Variants in GPC3 observed in about 807,000 individuals in gnomAD.
The protein encoded by GPC3 is glypican 3.
GPC3 carries 3 observed loss-of-function variants against 34.4 expected under a neutral mutation model. That is an observed-to-expected ratio of 0.09 (90% CI 0.04 to 0.23). GPC3 has a LOEUF of 0.23. Among genes scored for constraint, GPC3 ranks in the 10% least tolerant of loss-of-function variants. The probability of loss-of-function intolerance (pLI) is 1.00; values close to 1 mark genes in which losing one functional copy is unlikely to be tolerated. For synonymous variants in GPC3, 177 were observed against 174.0 expected, an observed-to-expected ratio of 1.02 and a Z score of -0.13; for missense variants, 351 against 445.6, an observed-to-expected ratio of 0.79 and a Z score of 1.91.
chrX:133,802,914 CTTTTTTTTTTTTT>C (rs751359373), intron 2 of GPC3, among the ~76,000 whole-genome samples: 1 of 68,553 alleles, frequency 1.5e-5, no homozygotes, highest in African/African-American at 5.7e-5. Context: ...GGAAGGTATT[CTTTTTTTTTTTTT>C]TTTTTTTTTT....
chrX:133,794,881 G>C (rs372465140), intron 2 of GPC3, among the ~76,000 whole-genome samples: 2 of 112,340 alleles, frequency 1.8e-5, no homozygotes, highest in East Asian at 5.6e-4. Flanking sequence ...GGCTCCAATG[G>C]CACATTTTGT....
At chrX:133,541,793 TTCCTGGCCTCAAGTGA>T (rs762466649) in intron 7 of GPC3, among the ~76,000 whole-genome samples, 13 of 111,876 alleles carry the variant, frequency 1.2e-4, no homozygotes, top group Non-Finnish European at 2.4e-4. Context: ...TGGTCTTAAA[TTCCTGGCCTCAAGTGA>T]TCCTGTGCAT....
chrX:133,709,687 A>G (rs887791593), intron 3 of GPC3, among the ~76,000 whole-genome samples: 7 of 111,894 alleles, frequency 6.3e-5, no homozygotes, highest in African/African-American at 2.3e-4. Flanking sequence ...AATCTGCCAC[A>G]CTACTCAACT....
chrX:133,635,064 T>C (rs995863351), intron 6 of GPC3, among the ~76,000 whole-genome samples: 1 of 111,255 alleles, frequency 9.0e-6, no homozygotes, highest in African/African-American at 3.3e-5. Flanking sequence ...ATTAACTCCA[T>C]GAAGTTCAAG....
intron 2 of GPC3, among the ~76,000 whole-genome samples, chrX:133,781,522 A>C (rs2072043593): frequency 8.9e-6 from 1 of 112,416 alleles, no homozygotes; most frequent in African/African-American, 3.2e-5. Context: ...AACAACTTGC[A>C]ACACTATCTT....
At chrX:133,933,726 A>G (rs1234528763) in intron 2 of GPC3, among the ~76,000 whole-genome samples, 1 of 110,027 alleles carries the variant, frequency 9.1e-6, no homozygotes, top group African/African-American at 3.3e-5. Flanking sequence ...TGCTTTCGGC[A>G]CGTGATGTTG....
rs931982687 is a variant in GPC3, at chrX:133,536,368, C to A, written c.1574-75G>T. On this transcript the variant is annotated intron_variant, in intron 7 of 7. Coordinates refer to ENST00000370818, the MANE Select transcript of GPC3 (RefSeq NM_004484.4). ...AGTATAACACTATGCACAGCTCGAG[C>A]ATGTGTCTGGACCACTGGAAAGCCT... is the stretch of plus-strand genomic sequence containing the variant. 1.7e-5 allele frequency: 13 copies of A among 782,863 alleles called. No homozygotes were observed. In the Admixed American group the frequency reaches 2.7e-4, roughly 16 times the overall value. 64.5% of individuals were successfully genotyped at this position (782,863 alleles called of 1,213,427 possible).
Position 133,711,877 on chromosome X carries a change from T to C in GPC3, c.1033-11849A>G, listed in dbSNP as rs188976988. ...GCTATCTAGGTTATGCAAACCATAA[T>C]CTTTGTAACCTTCTTATCATTTAAT... On this transcript the variant is annotated intron_variant, in intron 3 of 7. Coordinates refer to ENST00000370818, the MANE Select transcript of GPC3 (RefSeq NM_004484.4). Among the ~76,000 whole-genome samples, 6 of 112,208 alleles carry C rather than the reference T, an allele frequency of 5.3e-5. No individual in the cohort carries two copies. In the East Asian group the frequency reaches 1.7e-3, roughly 31 times the overall value.
intron 1 of GPC3, among the ~76,000 whole-genome samples, chrX:133,953,667 T>C (rs1187250121): frequency 8.9e-6 from 1 of 112,151 alleles, no homozygotes; most frequent in Non-Finnish European, 1.9e-5. Flanking sequence ...GCCAACCCAA[T>C]ACTGCTTTTC....
At chrX:133,845,400 G>T (rs1469909018) in intron 2 of GPC3, among the ~76,000 whole-genome samples, 2 of 111,360 alleles carry the variant, frequency 1.8e-5, no homozygotes, top group African/African-American at 6.5e-5. Flanking sequence ...GGGGAGTTTA[G>T]GAAAAGTTTA....
At chrX:133,942,192 A>G (rs2124628691) in intron 2 of GPC3, among the ~76,000 whole-genome samples, 1 of 112,443 alleles carries the variant, frequency 8.9e-6, no homozygotes, top group South Asian at 3.7e-4. Context: ...AGTAAAGTGA[A>G]AGCACATACA....
chrX:133,645,230 C>T (rs150047967), intron 6 of GPC3, among the ~76,000 whole-genome samples: 1,527 of 111,846 alleles, frequency 0.014, 37 homozygotes, highest in African/African-American at 0.047. Context: ...TCTAACTTCT[C>T]GGACCGGATT....
At chrX:133,962,058 C>T (rs1391530524) in intron 1 of GPC3, among the ~76,000 whole-genome samples, 1 of 112,038 alleles carries the variant, frequency 8.9e-6, no homozygotes, top group Non-Finnish European at 1.9e-5. Context: ...CCTGGCAAGG[C>T]TAAAGGGAAA....
chrX:133,681,142 T>G (rs1483358452), intron 5 of GPC3, among the ~76,000 whole-genome samples: 25 of 111,832 alleles, frequency 2.2e-4, no homozygotes, highest in Non-Finnish European at 4.5e-4. Flanking sequence ...ATAGCTACCA[T>G]TTTTGAGAGA....
chrX:133,634,035 C>T (rs1197972948), intron 6 of GPC3, among the ~76,000 whole-genome samples: 1 of 111,810 alleles, frequency 8.9e-6, no homozygotes, highest in Non-Finnish European at 1.9e-5. Context: ...ATAGATATTT[C>T]ATGAAAGAAT....
intron 3 of GPC3, among the ~76,000 whole-genome samples, chrX:133,718,251 A>G (rs1446047368): frequency 8.9e-6 from 1 of 112,145 alleles, no homozygotes; most frequent in Non-Finnish European, 1.9e-5. Context: ...TCGGAATACA[A>G]TGTTTGAAAA....
intron 2 of GPC3, among the ~76,000 whole-genome samples, chrX:133,776,770 A>G (rs1474860025): frequency 2.7e-5 from 3 of 111,241 alleles, no homozygotes; most frequent in Non-Finnish European, 5.7e-5. Flanking sequence ...ATGACCTAAG[A>G]GACACTTCTG....
intron 2 of GPC3, among the ~76,000 whole-genome samples, chrX:133,803,116 G>A (rs980563967): frequency 1.8e-5 from 2 of 110,249 alleles, no homozygotes; most frequent in African/African-American, 3.3e-5. Flanking sequence ...TAGTAGAGAC[G>A]GGGTTTCACC....
chrX:133,979,378 G>A (rs1302104273), intron 1 of GPC3, among the ~76,000 whole-genome samples: 1 of 111,892 alleles, frequency 8.9e-6, no homozygotes, highest in East Asian at 2.8e-4. Context: ...CACAAAAAGA[G>A]GGAAAAGTGA....
Sources: gnomAD v4.1 joint callset for allele counts (sites outside exome capture counted in the v4.1 genomes callset) on GRCh38, gnomAD v4.1.1 for gene constraint, MANE v1.5 for transcripts, NCBI Gene and HGNC (gene_info 2026-07-23, HGNC 2026-07-21) for gene names.